Variants in CCDC178 observed in about 807,000 individuals in gnomAD.
CCDC178 encodes the protein coiled-coil domain-containing protein 178.
Under a neutral mutation model 117.4 loss-of-function variants are expected in CCDC178, and 126 were observed. That is an observed-to-expected ratio of 1.07 (90% confidence interval 0.93 to 1.24). CCDC178 has a LOEUF of 1.24. Ranked by LOEUF, CCDC178 falls within the 50% of genes most tolerant of loss-of-function variation. The pLI is 0.00. For synonymous variants in CCDC178, 283 were observed against 313.4 expected, an observed-to-expected ratio of 0.90 and a Z score of 1.02; for missense variants, 1,030 against 986.9, an observed-to-expected ratio of 1.04 and a Z score of -0.59.
chr18:33,028,521 T>C (rs1469366423), intron 21 of CCDC178, among the ~76,000 whole-genome samples: 4 of 151,780 alleles, frequency 2.6e-5, no homozygotes, highest in Non-Finnish European at 5.9e-5. Flanking sequence ...TTATATGTTT[T>C]TTAAAAAGTT....
At chr18:33,138,161 A>T (rs945133492) in intron 20 of CCDC178, among the ~76,000 whole-genome samples, 2 of 152,224 alleles carry the variant, frequency 1.3e-5, no homozygotes, top group Non-Finnish European at 2.9e-5. Context: ...TGGTGTATAA[A>T]TGTTATGCTC....
At chr18:32,942,538 T>G (rs1018622352) in intron 22 of CCDC178, among the ~76,000 whole-genome samples, 13 of 152,120 alleles carry the variant, frequency 8.5e-5, no homozygotes, top group African/African-American at 3.1e-4. Flanking sequence ...AAAAAAATTA[T>G]GAGAAACTAG....
At chr18:33,103,751 T>C (rs138115036) in intron 20 of CCDC178, among the ~76,000 whole-genome samples, 2,244 of 151,752 alleles carry the variant, frequency 0.015, 31 homozygotes, top group Non-Finnish European at 0.024. Context: ...GCATTATAAG[T>C]AGATAGAGAG....
rs551242845 is a variant in CCDC178 at position 33,148,012 on chromosome 18, G to A, written c.2239-55102C>T. On this transcript the variant is annotated intron_variant, in intron 20 of 22. Coordinates refer to ENST00000383096, the MANE Select transcript of CCDC178 (RefSeq NM_001105528.4). ...AGGGGCTGCCCCCCACCTCCCTCCCGGACGGGGCGGCTGGCCGGGCAGAGG... is the reference window on the plus strand; with the variant it reads ...AGGGGCTGCCCCCCACCTCCCTCCCAGACGGGGCGGCTGGCCGGGCAGAGG... Among the ~76,000 whole-genome samples, 907 of 150,344 alleles carry A rather than the reference G, an allele frequency of 6.0e-3. 6 individuals are homozygous for A. The highest frequency in any genetic ancestry group is 0.024 in the South Asian group (111 of 4,722).
intron 22 of CCDC178, among the ~76,000 whole-genome samples, chr18:32,961,189 A>C (rs1477519283): frequency 2.0e-5 from 3 of 152,266 alleles, no homozygotes; most frequent in African/African-American, 7.2e-5. Context: ...CTGAGAGACG[A>C]GTATTGAAAT....
At chr18:33,002,440 G>T (rs1428033901) in intron 21 of CCDC178, among the ~76,000 whole-genome samples, 2 of 151,492 alleles carry the variant, frequency 1.3e-5, no homozygotes, top group African/African-American at 4.9e-5. Context: ...ATGACCAGTG[G>T]GTCAATGAAC....
intron 21 of CCDC178, among the ~76,000 whole-genome samples, chr18:33,067,011 A>G (rs2057028661): frequency 6.6e-6 from 1 of 152,252 alleles, no homozygotes; most frequent in African/African-American, 2.4e-5. Context: ...GGACTTAACA[A>G]ACATATGTAG....
intron 12 of CCDC178, among the ~76,000 whole-genome samples, chr18:33,288,717 A>T (rs1319094697): frequency 1.3e-5 from 2 of 152,130 alleles, no homozygotes; most frequent in African/African-American, 4.8e-5. Flanking sequence ...GAAAGTTAAG[A>T]GATGGTTTCA....
At chr18:33,323,190 T>C (rs1000233891) in intron 11 of CCDC178, 13 of 172,250 alleles carry the variant, frequency 7.5e-5, no homozygotes, top group Non-Finnish European at 1.5e-4. Context: ...ATAGTTACTT[T>C]TGCACACATA....
At chr18:32,952,598 G>A (rs534053519) in intron 22 of CCDC178, among the ~76,000 whole-genome samples, 47 of 152,240 alleles carry the variant, frequency 3.1e-4, no homozygotes, top group African/African-American at 1.1e-3. Context: ...GGCCTGTGAC[G>A]GGAGGGGCTG....
intron 12 of CCDC178, among the ~76,000 whole-genome samples, chr18:33,279,234 G>A (rs2059991448): frequency 6.6e-6 from 1 of 152,132 alleles, no homozygotes. Context: ...ATCTCCTTAA[G>A]CTGATAAGCA....
In CCDC178 at chr18:32,981,719, C is replaced by A. The variant is rs575279735; in HGVS notation, c.2389-7038G>T. On this transcript the variant is annotated intron_variant, in intron 21 of 22. Coordinates refer to ENST00000383096, the MANE Select transcript of CCDC178 (RefSeq NM_001105528.4). ...TTTGTACAATATTTTTGTTATATAC[C>A]CACTAAATGTGATCTTACCTATAAT... Among the ~76,000 whole-genome samples, 3 of 151,718 alleles carry A rather than the reference C, an allele frequency of 2.0e-5. No individual in the cohort carries two copies. The East Asian group carries it at 5.8e-4, about 29-fold the overall frequency.
At chr18:33,003,290 AATATTAACAAACTGAGTTCAACAAT>A (rs2055679855) in intron 21 of CCDC178, among the ~76,000 whole-genome samples, 2 of 152,150 alleles carry the variant, frequency 1.3e-5, no homozygotes, top group Non-Finnish European at 2.9e-5. Flanking sequence ...TCCTCAACAA[AATATTAACAAACTGAGTTCAACAAT>A]ATATTAAAAG....
At chr18:33,315,305 G>T (rs2062400757) in intron 11 of CCDC178, among the ~76,000 whole-genome samples, 1 of 152,130 alleles carries the variant, frequency 6.6e-6, no homozygotes, top group Non-Finnish European at 1.5e-5. Flanking sequence ...TTGTGCTTGG[G>T]TAAGTAATTC....
At chr18:33,095,499 G>T (rs924033463) in intron 20 of CCDC178, among the ~76,000 whole-genome samples, 4 of 151,920 alleles carry the variant, frequency 2.6e-5, no homozygotes, top group Non-Finnish European at 4.4e-5. Context: ...ACAAAATCTA[G>T]ATTGTAGGTT....
intron 12 of CCDC178, among the ~76,000 whole-genome samples, chr18:33,268,743 C>A (rs2059851197): frequency 6.6e-6 from 1 of 151,680 alleles, no homozygotes; most frequent in African/African-American, 2.4e-5. Flanking sequence ...GCAGAGACAT[C>A]AATGAAAATA....
rs369528801 is a variant in CCDC178 at position 33,144,594 on chromosome 18, C to T, written c.2239-51684G>A. On this transcript the variant is annotated intron_variant, in intron 20 of 22. Transcript: ENST00000383096. ...ATGAAGTGACTGACCACACCCTAAACTATATGCTTGTTCCCTTCATAATCT... is the reference window on the plus strand; with the variant it reads ...ATGAAGTGACTGACCACACCCTAAATTATATGCTTGTTCCCTTCATAATCT... 1.4e-4 allele frequency among the ~76,000 whole-genome samples: 21 copies of T among 152,182 alleles called. No homozygotes were observed. The East Asian group carries it at 2.3e-3, about 17-fold the overall frequency.
chr18:33,239,813 C>G (rs1426852386), intron 15 of CCDC178, among the ~76,000 whole-genome samples: 1 of 151,290 alleles, frequency 6.6e-6, no homozygotes, highest in Admixed American at 6.6e-5. Flanking sequence ...AGACAAAAAC[C>G]CAACAAAGAA....
intron 4 of CCDC178, among the ~76,000 whole-genome samples, chr18:33,394,434 C>A (rs1261319041): frequency 6.6e-6 from 1 of 151,904 alleles, no homozygotes; most frequent in Non-Finnish European, 1.5e-5. Flanking sequence ...GTGTCTAGTT[C>A]CAGTCTTTCA....
Sources: allele counts gnomAD v4.1 joint callset (sites outside exome capture counted in the v4.1 genomes callset), GRCh38; gene constraint gnomAD v4.1.1; transcripts MANE v1.5; gene names NCBI Gene and HGNC (gene_info 2026-07-23, HGNC 2026-07-21).